ADK: variants seen among roughly 807,000 people sequenced by gnomAD.
ADK encodes the protein adenosine kinase.
In ADK, 24 loss-of-function variants were observed where a neutral mutation model predicts 44.7. The observed-to-expected ratio is 0.54, with a 90% confidence interval of 0.39 to 0.76. The LOEUF is 0.76. Ranked by LOEUF, ADK falls within the 30% of genes least tolerant of loss-of-function variation. The pLI is 0.00. For synonymous variants in ADK, 128 were observed against 142.6 expected, an observed-to-expected ratio of 0.90 and a Z score of 0.73; for missense variants, 321 against 425.1, an observed-to-expected ratio of 0.76 and a Z score of 2.15.
At chr10:74,234,011 G>A (rs1844873615) in intron 3 of ADK, among the ~76,000 whole-genome samples, 1 of 152,198 alleles carries the variant, frequency 6.6e-6, no homozygotes, top group South Asian at 2.1e-4. Flanking sequence ...GAAACTGCTG[G>A]TGTGATGAAT....
chr10:74,601,629 T>G (rs1852123498), intron 9 of ADK, among the ~76,000 whole-genome samples: 1 of 152,158 alleles, frequency 6.6e-6, no homozygotes, highest in Non-Finnish European at 1.5e-5. Context: ...GGCATCATTA[T>G]GCTATTATCT....
chr10:74,691,283 G>A (rs1855979479), intron 10 of ADK, among the ~76,000 whole-genome samples: 1 of 152,172 alleles, frequency 6.6e-6, no homozygotes, highest in Admixed American at 6.5e-5. Context: ...AGGGAGACAG[G>A]GAGAATTGAG....
At chr10:74,341,527 CAAAAAAAAAA>C (rs35233016) in intron 4 of ADK, among the ~76,000 whole-genome samples, 3 of 61,578 alleles carry the variant, frequency 4.9e-5, no homozygotes, top group Non-Finnish European at 1.1e-4. Context: ...GACTCCGTCT[CAAAAAAAAAA>C]AAAAAAAAGG....
Position 74,302,105 on chromosome 10 carries a change from GTTTGTTTTTTT to G in ADK, c.195-12558_195-12548del, listed in dbSNP as rs566105832. ...TTTCTTTTCTGTTTTTTTTTTGTTTGTTTGTTTTTTTTTTTTTTTTTTTTTTTTTTTTTTTT... is the reference window on the plus strand; with the variant it reads ...TTTCTTTTCTGTTTTTTTTTTGTTTGTTTTTTTTTTTTTTTTTTTTTTTTT... On this transcript the variant is annotated intron_variant, in intron 3 of 10. Transcript: ENST00000539909. Among the ~76,000 whole-genome samples, 73 of 88,892 alleles carry G rather than the reference GTTTGTTTTTTT, an allele frequency of 8.2e-4. 1 individual carries two copies. Among genetic ancestry groups the G allele is most frequent in the Middle Eastern group, 6.9e-3 (1 of 144 alleles). The allele number at this position is 88,892 out of a possible 152,430, so 58.3% of individuals were successfully genotyped here.
intron 9 of ADK, among the ~76,000 whole-genome samples, chr10:74,640,140 G>A (rs886220514): frequency 2.6e-5 from 4 of 152,162 alleles, no homozygotes; most frequent in African/African-American, 9.7e-5. Flanking sequence ...CTCAAGACTG[G>A]CCTTGGTGCA....
intron 4 of ADK, among the ~76,000 whole-genome samples, chr10:74,353,766 G>A (rs1269528330): frequency 6.6e-6 from 1 of 152,124 alleles, no homozygotes; most frequent in Non-Finnish European, 1.5e-5. Context: ...TACTTGGGAG[G>A]CTGAGGCAGG....
chr10:74,399,483 T>G (rs1055611219), intron 6 of ADK, among the ~76,000 whole-genome samples: 1 of 151,890 alleles, frequency 6.6e-6, no homozygotes, highest in Non-Finnish European at 1.5e-5. Context: ...TATTGATTCC[T>G]CTGTATACCA....
chr10:74,303,589 T>TTTG (rs1564643297), intron 3 of ADK, among the ~76,000 whole-genome samples: 3 of 94,268 alleles, frequency 3.2e-5, no homozygotes, highest in Admixed American at 2.1e-4. Context: ...TTTAATGTTG[T>TTTG]TTTTTTTTTT....
chr10:74,630,171 T>C (rs1042747262), intron 9 of ADK, among the ~76,000 whole-genome samples: 1 of 152,190 alleles, frequency 6.6e-6, no homozygotes, highest in Admixed American at 6.5e-5. Flanking sequence ...TAGCATTTTA[T>C]ATAACCAGAG....
intron 9 of ADK, among the ~76,000 whole-genome samples, chr10:74,619,918 C>T (rs1047994624): frequency 2.0e-5 from 3 of 152,088 alleles, no homozygotes; most frequent in South Asian, 2.1e-4. Context: ...GATGAGGTCT[C>T]GCTGTGTTGC....
At chr10:74,231,484 T>C (rs1591900660) in intron 3 of ADK, among the ~76,000 whole-genome samples, 2 of 152,180 alleles carry the variant, frequency 1.3e-5, no homozygotes, top group Admixed American at 6.5e-5. Context: ...TGTTTTTTTT[T>C]TGAGACAAGA....
At chr10:74,577,087 A>C (rs1305668569) in intron 7 of ADK, among the ~76,000 whole-genome samples, 1 of 138,084 alleles carries the variant, frequency 7.2e-6, no homozygotes, top group Non-Finnish European at 1.6e-5. Flanking sequence ...TACATGCTCC[A>C]CTTAGTGTTT....
intron 6 of ADK, among the ~76,000 whole-genome samples, chr10:74,445,346 C>T (rs777067281): frequency 6.6e-5 from 10 of 151,912 alleles, no homozygotes; most frequent in Admixed American, 6.6e-4. Context: ...TCTTATTATT[C>T]ATTCCTCAAA....
At chr10:74,607,619 T>G (rs1239307145) in intron 9 of ADK, among the ~76,000 whole-genome samples, 3 of 152,228 alleles carry the variant, frequency 2.0e-5, no homozygotes, top group Non-Finnish European at 4.4e-5. Flanking sequence ...CTGATGGGCT[T>G]CCCTTTGTGG....
intron 6 of ADK, among the ~76,000 whole-genome samples, chr10:74,447,618 G>A (rs1323901381): frequency 6.6e-6 from 1 of 152,086 alleles, no homozygotes; most frequent in African/African-American, 2.4e-5. Flanking sequence ...TAATACCAGG[G>A]TACTGAGTTA....
At chr10:74,326,411 A>G (rs1841012283) in intron 4 of ADK, among the ~76,000 whole-genome samples, 1 of 149,878 alleles carries the variant, frequency 6.7e-6, no homozygotes, top group South Asian at 2.1e-4. Context: ...CCTGGACAAC[A>G]TAGTGAGACC....
intron 6 of ADK, among the ~76,000 whole-genome samples, chr10:74,501,297 T>G (rs1847876542): frequency 6.6e-6 from 1 of 152,214 alleles, no homozygotes; most frequent in South Asian, 2.1e-4. Flanking sequence ...AATTAGGTAC[T>G]TCAAGATCAC....
intron 4 of ADK, among the ~76,000 whole-genome samples, chr10:74,369,144 T>G (rs1294121259): frequency 6.6e-6 from 1 of 151,986 alleles, no homozygotes; most frequent in Admixed American, 6.6e-5. Flanking sequence ...ATCGCTCGAG[T>G]CTAGGAGCTC....
In ADK at chr10:74,699,767, TC is replaced by T. The variant is rs1856350438; in HGVS notation, c.965-8553del. 2.0e-5 allele frequency among the ~76,000 whole-genome samples: 3 copies of T among 152,224 alleles called. No homozygotes were observed. In the South Asian group the frequency reaches 6.2e-4, roughly 31 times the overall value. On this transcript the variant is annotated intron_variant, in intron 10 of 10. Coordinates refer to ENST00000539909, the MANE Select transcript of ADK (RefSeq NM_006721.4). ...AAAATTAATTCACAGAGAGATTTGT[TC>T]TTTAAAGATATATAAAAAGATGTTC... is the stretch of plus-strand genomic sequence containing the variant.
Sources: gnomAD v4.1 joint callset for allele counts (sites outside exome capture counted in the v4.1 genomes callset) on GRCh38, gnomAD v4.1.1 for gene constraint, MANE v1.5 for transcripts, NCBI Gene and HGNC (gene_info 2026-07-23, HGNC 2026-07-21) for gene names.